FHL3: variants seen among roughly 807,000 people sequenced by gnomAD.
FHL3 encodes the protein four and a half LIM domains 3, also known as four and a half LIM domains protein 3.
A neutral mutation model predicts 34.3 loss-of-function variants in FHL3; 21 were observed. The observed-to-expected ratio is 0.61, with a 90% confidence interval of 0.43 to 0.88. The LOEUF (loss-of-function observed/expected upper bound fraction) is 0.88. Ranked by LOEUF, FHL3 falls within the 40% of genes least tolerant of loss-of-function variation. The pLI is 0.00. For synonymous variants in FHL3, 137 were observed against 144.6 expected, an observed-to-expected ratio of 0.95 and a Z score of 0.38; for missense variants, 333 against 373.7, an observed-to-expected ratio of 0.89 and a Z score of 0.90.
In FHL3 at chr1:37,998,029, C is replaced by T. The variant is rs1356732596; in HGVS notation, c.435G>A (p.Lys145=). Residue 145 remains lysine, a synonymous_variant, in exon 4 of 6, where the codon AAG becomes AAA. Coordinates refer to ENST00000373016, the MANE Select transcript of FHL3 (RefSeq NM_004468.5). The part of the protein sequence containing the change: ...PLGSRSFVPD[K]GAHYCVPCYE... Reference sequence around the variant, plus strand: ...AGCAGGGCACGCAGTAGTGAGCACCCTTGTCGGGCACAAAAGAACGGGAGC... The same window carrying T: ...AGCAGGGCACGCAGTAGTGAGCACCTTTGTCGGGCACAAAAGAACGGGAGC... 6 of 1,614,134 alleles carry T rather than the reference C, an allele frequency of 3.7e-6. No homozygotes were observed. The highest frequency in any genetic ancestry group is 5.1e-6 in the Non-Finnish European group (6 of 1,180,006).
At position 37,999,338 on chromosome 1, in the gene FHL3, G is replaced by T. The variant is rs773784744; in HGVS notation, c.75C>A (p.Gly25=). 4 of 1,614,122 alleles carry T rather than the reference G, an allele frequency of 2.5e-6. No individual in the cohort carries two copies. Among genetic ancestry groups the T allele is most frequent in the Non-Finnish European group, 3.4e-6 (4 of 1,180,050 alleles). Residue 25 remains glycine, a synonymous_variant, in exon 2 of 6, where the codon GGC becomes GGA. Transcript: ENST00000373016. ...TGTCATAGCAGGGCACACAGTAGGG[G>T]CCGCTGTCTGTCTGGATGTACTTGC... The part of the protein sequence containing the change: ...YGRKYIQTDS[G]PYCVPCYDNT...
At chr1:38,002,387 C>T (rs1054865043) in intron 1 of FHL3, among the ~76,000 whole-genome samples, 2 of 151,858 alleles carry the variant, frequency 1.3e-5, no homozygotes, top group Non-Finnish European at 1.5e-5. Context: ...CATGAACCAC[C>T]ACACCCTGCC....
chr1:38,000,091 G>A (rs955453744), intron 1 of FHL3, among the ~76,000 whole-genome samples: 2 of 152,220 alleles, frequency 1.3e-5, no homozygotes, highest in African/African-American at 4.8e-5. Context: ...AAGCAGGAAG[G>A]AAATCCTGCA....
chr1:38,003,512 A>G (rs1646615590), intron 1 of FHL3, among the ~76,000 whole-genome samples: 1 of 152,232 alleles, frequency 6.6e-6, no homozygotes, highest in African/African-American at 2.4e-5. Context: ...TGGTCGCTTC[A>G]GTCCGGTCAG....
At position 37,997,969 on chromosome 1, in the gene FHL3, G is replaced by A; in HGVS notation, c.495C>T (p.Cys165=). The A allele has an allele frequency of 3.1e-6, 5 of 1,614,130 alleles. No homozygotes were observed. Among genetic ancestry groups the A allele is most frequent in the Non-Finnish European group, 4.2e-6 (5 of 1,179,990 alleles). Residue 165 remains cysteine, a synonymous_variant, in exon 4 of 6, where the codon TGC becomes TGT. Transcript: ENST00000373016. The surrounding 1 kb of genome is among the most constrained non-coding windows in gnomAD (Gnocchi z 4.3). ...TGGCTGGCCCAGCCCCCACCTTGCT[G>A]CAGCGGGCGCAGCGAGGAGCAAACT... The part of the protein sequence containing the change: ...ENKFAPRCAR[C]SKTLTQGGVT...
At chr1:37,998,470 C>T (rs1646558505) in intron 3 of FHL3, among the ~76,000 whole-genome samples, 1 of 152,110 alleles carries the variant, frequency 6.6e-6, no homozygotes, top group African/African-American at 2.4e-5. Flanking sequence ...GATTTTAGCA[C>T]TCACATGGGA....
rs757838424 is a variant in FHL3, at chr1:37,997,373, G to T, written c.*32C>A. 3 of 1,592,968 alleles carry T rather than the reference G, an allele frequency of 1.9e-6. No homozygotes were observed. In the South Asian group the frequency reaches 3.3e-5, roughly 18 times the overall value. On this transcript the variant is annotated 3_prime_UTR_variant, in exon 6 of 6. Transcript: ENST00000373016. The surrounding 1 kb of genome is among the most constrained non-coding windows in gnomAD (Gnocchi z 4.3). Reference sequence around the variant, plus strand: ...AAGGAGCCACAGTCCTGGGCCCGTGGTATGGGAAAGCCTGGGTCCAGGAGC... The same window carrying T: ...AAGGAGCCACAGTCCTGGGCCCGTGTTATGGGAAAGCCTGGGTCCAGGAGC...
chr1:37,999,231 C>T (rs762566302), intron 2 of FHL3, 26 bp downstream of exon 2: 2 of 1,614,130 alleles, frequency 1.2e-6, no homozygotes, highest in Admixed American at 3.3e-5. Flanking sequence ...CCACCCACCT[C>T]CTGCCTGGCC....
At chr1:38,001,086 A>ACTCTCCATACAAGGC (rs1646589093) in intron 1 of FHL3, among the ~76,000 whole-genome samples, 1 of 151,916 alleles carries the variant, frequency 6.6e-6, no homozygotes, top group Non-Finnish European at 1.5e-5. Flanking sequence ...TGGAGGCCTG[A>ACTCTCCATACAAGGC]CTCTCCATAC....
intron 1 of FHL3, among the ~76,000 whole-genome samples, chr1:38,000,141 C>T (rs962221746): frequency 9.9e-5 from 15 of 152,248 alleles, no homozygotes; most frequent in Admixed American, 8.5e-4. Context: ...GACCCTCTGC[C>T]CTCATCCCCC....
intron 1 of FHL3, among the ~76,000 whole-genome samples, chr1:38,000,434 C>T (rs771042892): frequency 6.6e-5 from 10 of 152,042 alleles, no homozygotes; most frequent in African/African-American, 7.3e-5. Context: ...CCACCTTTTC[C>T]GATTTCTCAG....
At chr1:37,998,246 G>A (rs1646556079) in intron 3 of FHL3, 114 bp from the exon 4 acceptor site, 13 of 910,388 alleles carry the variant, frequency 1.4e-5, no homozygotes, top group South Asian at 3.2e-5. Flanking sequence ...GGTGGTGTCC[G>A]TGCACATGCA....
rs758661686 is a variant in FHL3 at position 37,999,392 on chromosome 1, ACAGT to A, written c.17_20del (p.Asp6ValfsTer69). 2 of 1,614,228 alleles carry A rather than the reference ACAGT, an allele frequency of 1.2e-6. No homozygotes were observed. The highest frequency in any genetic ancestry group is 1.7e-6 in the Non-Finnish European group (2 of 1,180,036). On this transcript the variant is annotated frameshift_variant, in exon 2 of 6. Coordinates refer to ENST00000373016, the MANE Select transcript of FHL3 (RefSeq NM_004468.5). LOFTEE classifies it high-confidence loss of function. ...CATACAGGGACTCGTTGCATTTTGC[ACAGT>A]CAAATGACTCGCTCATGGTGGCAAG...
At position 37,998,183 on chromosome 1, in the gene FHL3, G is replaced by A. The variant is rs888337165; in HGVS notation, c.332-51C>T. On this transcript the variant is annotated intron_variant, in intron 3 of 5. Coordinates refer to ENST00000373016, the MANE Select transcript of FHL3 (RefSeq NM_004468.5). ...GAGGTTGTGTCCCATGCTCCTGAGG[G>A]CCACCCTCTGTAACTTCCCCAGGAG... 6 of 1,558,388 alleles carry A rather than the reference G, an allele frequency of 3.9e-6. No individual in the cohort carries two copies. The Admixed American group carries it at 7.0e-5, about 18-fold the overall frequency.
intron 1 of FHL3, among the ~76,000 whole-genome samples, chr1:38,001,145 G>A (rs905858823): frequency 6.6e-6 from 1 of 152,246 alleles, no homozygotes; most frequent in African/African-American, 2.4e-5. Flanking sequence ...CTCCAGGCCA[G>A]GGCATGAGGC....
chr1:37,999,218 T>C (rs2148730491), intron 2 of FHL3, 39 bp downstream of exon 2: 1 of 1,613,916 alleles, frequency 6.2e-7, no homozygotes, highest in East Asian at 2.2e-5. Flanking sequence ...CTTCCACTGG[T>C]CACCACCCAC....
rs1242849055 is a variant in FHL3, at chr1:37,999,115, C to T, written c.190G>A (p.Gly64Ser). Residue 64 changes from glycine (G) to serine (S), a missense_variant, in exon 3 of 6, where the codon GGC becomes AGC. Gly to Ser is a moderately conservative substitution (Grantham distance 56). Coordinates refer to ENST00000373016, the MANE Select transcript of FHL3 (RefSeq NM_004468.5). ...TGGCAGCGGCAGCAGCGGAAGCAGC[C>T]CTCGTGGAAATGGCGGTCTTCATAG... ...LFYEDRHFHE[G>S]CFRCCRCQRS... 1 of 1,614,190 alleles carries T rather than the reference C, an allele frequency of 6.2e-7. No individual in the cohort carries two copies. Among genetic ancestry groups the T allele is most frequent in the South Asian group, 1.1e-5 (1 of 91,084 alleles).
At position 37,999,369 on chromosome 1, in the gene FHL3, T is replaced by C; in HGVS notation, c.44A>G (p.Tyr15Cys). Residue 15 changes from tyrosine (Y) to cysteine (C), a missense_variant, in exon 2 of 6, where the codon TAT (tyrosine) becomes TGT (cysteine). Tyr to Cys is a radical substitution (Grantham distance 194, BLOSUM62 -2). Transcript: ENST00000373016. Reference sequence around the variant, plus strand: ...GTCTGTCTGGATGTACTTGCGTCCATACAGGGACTCGTTGCATTTTGCACA... The same window carrying C: ...GTCTGTCTGGATGTACTTGCGTCCACACAGGGACTCGTTGCATTTTGCACA... ...FDCAKCNESL[Y>C]GRKYIQTDSG... The C allele has an allele frequency of 6.2e-7, 1 of 1,614,238 alleles. No homozygotes were observed. Among genetic ancestry groups the C allele is most frequent in the Non-Finnish European group, 8.5e-7 (1 of 1,180,040 alleles).
Position 37,998,044 on chromosome 1 carries a change from A to G in FHL3, c.420T>C (p.Ser140=), listed in dbSNP as rs769060688. Residue 140 remains serine, a synonymous_variant, in exon 4 of 6, where the codon TCT becomes TCC. Coordinates refer to ENST00000373016, the MANE Select transcript of FHL3 (RefSeq NM_004468.5). ...SGCEQPLGSR[S]FVPDKGAHYC... Reference sequence around the variant, plus strand: ...AGTGAGCACCCTTGTCGGGCACAAAAGAACGGGAGCCCAGTGGCTGTTCAC... The same window carrying G: ...AGTGAGCACCCTTGTCGGGCACAAAGGAACGGGAGCCCAGTGGCTGTTCAC... 1 of 1,614,028 alleles carries G rather than the reference A, an allele frequency of 6.2e-7. No homozygotes were observed. Among genetic ancestry groups the G allele is most frequent in the African/African-American group, 1.3e-5 (1 of 74,920 alleles).
Sources: allele counts gnomAD v4.1 joint callset (sites outside exome capture counted in the v4.1 genomes callset), GRCh38; gene constraint gnomAD v4.1.1; non-coding constraint Gnocchi (gnomAD v3.1); transcripts MANE v1.5; gene names NCBI Gene and HGNC (gene_info 2026-07-23, HGNC 2026-07-21).